Variants in ATP2B2 observed in about 807,000 individuals in gnomAD.
The protein encoded by ATP2B2 is ATPase plasma membrane Ca2+ transporting 2, also known as plasma membrane calcium-transporting ATPase 2.
Under a neutral mutation model 120.0 loss-of-function variants are expected in ATP2B2, and 15 were observed. The ratio of observed to expected loss-of-function variants is 0.12; its 90% CI spans 0.08 to 0.19. The LOEUF is 0.19. Among genes scored for constraint, ATP2B2 ranks in the 10% least tolerant of loss-of-function variants. The pLI, the probability that ATP2B2 is intolerant of heterozygous loss-of-function variation, is 1.00. For missense variants in ATP2B2, 1,045 were observed against 1,719.8 expected (o/e 0.61, Z 6.94); for synonymous variants, 694 against 700.3 (o/e 0.99, Z 0.14).
chr3:10,501,675 G>T (rs1047630867), intron 1 of ATP2B2, among the ~76,000 whole-genome samples: 1 of 152,178 alleles, frequency 6.6e-6, no homozygotes, highest in African/African-American at 2.4e-5. Flanking sequence ...GCTGTGCAGG[G>T]TGAAGCCAGG....
chr3:10,366,282 G>T (rs1174346284), intron 12 of ATP2B2, among the ~76,000 whole-genome samples: 9 of 152,282 alleles, frequency 5.9e-5, no homozygotes, highest in Non-Finnish European at 1.2e-4. Flanking sequence ...TATCTGCTAG[G>T]TTTTAAGATT....
intron 2 of ATP2B2, among the ~76,000 whole-genome samples, chr3:10,442,825 C>T (rs1434842287): frequency 6.6e-6 from 1 of 152,224 alleles, no homozygotes; most frequent in Non-Finnish European, 1.5e-5. Context: ...GAAATAACAC[C>T]TACCATGTGC....
In ATP2B2 at chr3:10,600,405, G is replaced by A. The variant is rs148930143; in HGVS notation, c.-415+19512C>T. 1.3e-3 allele frequency among the ~76,000 whole-genome samples: 200 copies of A among 152,226 alleles called. 2 individuals are homozygous for A. In the East Asian group the frequency reaches 0.019, roughly 14 times the overall value. ...TCTGGCTGGACAGAGTCCAGACATCGGACTTCCATCTACCCTATGTCATCT... is the reference window on the plus strand; with the variant it reads ...TCTGGCTGGACAGAGTCCAGACATCAGACTTCCATCTACCCTATGTCATCT... On this transcript the variant is annotated intron_variant, in intron 2 of 21. Coordinates refer to the ATP2B2 transcript ENST00000646379.
intron 3 of ATP2B2, among the ~76,000 whole-genome samples, chr3:10,521,603 CTG>C (rs1575454122): frequency 6.6e-6 from 1 of 152,320 alleles, no homozygotes; most frequent in African/African-American, 2.4e-5. Flanking sequence ...AGTGTGGAAA[CTG>C]TGTAAAGTGA....
chr3:10,338,459 C>G, intron 21 of ATP2B2, 101 bp from the exon 22 acceptor site: 1 of 1,288,378 alleles, frequency 7.8e-7, no homozygotes, highest in Non-Finnish European at 1.1e-6. Flanking sequence ...ACCCGCTCAC[C>G]CAGGCATGTG....
intron 16 of ATP2B2, among the ~76,000 whole-genome samples, chr3:10,348,001 C>G (rs574382960): frequency 4.6e-5 from 7 of 152,198 alleles, no homozygotes; most frequent in Admixed American, 2.0e-4. Context: ...TCCTCCTGCC[C>G]CTCTAGCCTC....
At chr3:10,661,587 A>T (rs968057055) in intron 1 of ATP2B2, among the ~76,000 whole-genome samples, 2 of 152,242 alleles carry the variant, frequency 1.3e-5, no homozygotes, top group Non-Finnish European at 2.9e-5. Flanking sequence ...CCACTGCTCA[A>T]TGAAATAAAA....
intron 2 of ATP2B2, among the ~76,000 whole-genome samples, chr3:10,546,555 CT>C (rs1166623543): frequency 1.3e-5 from 2 of 152,238 alleles, no homozygotes; most frequent in African/African-American, 4.8e-5. Context: ...TGTGAAGGGG[CT>C]GCACCTTGGA....
chr3:10,704,834 C>T (rs1423690755), intron 1 of ATP2B2, among the ~76,000 whole-genome samples: 1 of 152,108 alleles, frequency 6.6e-6, no homozygotes, highest in Non-Finnish European at 1.5e-5. Flanking sequence ...TATATGACAA[C>T]AGGGGAGATA....
At chr3:10,401,219 T>C (rs1363972590) in intron 4 of ATP2B2, 141 bp from the exon 5 acceptor site, 3 of 1,147,832 alleles carry the variant, frequency 2.6e-6, no homozygotes, top group African/African-American at 1.5e-5. Flanking sequence ...GGAACCAAGA[T>C]GGTGCCCATA....
Position 10,324,159 on chromosome 3 carries a change from AG to A in ATP2B2, c.*4654del, listed in dbSNP as rs2059825410. 1 of 152,172 alleles carries A rather than the reference AG, an allele frequency of 6.6e-6. No individual in the cohort carries two copies. Among genetic ancestry groups the A allele is most frequent in the South Asian group, 2.1e-4 (1 of 4,828 alleles). 9.4% of individuals were successfully genotyped at this position (152,172 alleles called of 1,614,324 possible). The stretch of plus-strand genomic sequence containing the variant: ...TACAATAAGAGCACAGTCACTTCCC[AG>A]CCCCGATTGTCCCAGAGCCCCCCAG... On this transcript the variant is annotated 3_prime_UTR_variant, in exon 23 of 23. Coordinates refer to ENST00000360273, the MANE Select transcript of ATP2B2 (RefSeq NM_001001331.4).
chr3:10,458,377 CG>C (rs913311650), intron 1 of ATP2B2, among the ~76,000 whole-genome samples: 1 of 152,174 alleles, frequency 6.6e-6, no homozygotes, highest in Non-Finnish European at 1.5e-5. Flanking sequence ...ACTTTTGGTT[CG>C]GGTTTTCCCT....
intron 2 of ATP2B2, among the ~76,000 whole-genome samples, chr3:10,576,212 A>T (rs1316145170): frequency 5.9e-5 from 9 of 152,156 alleles, no homozygotes; most frequent in African/African-American, 2.2e-4. Context: ...TGGCACCAGA[A>T]AAAGGGCAGG....
chr3:10,417,862 A>G (rs2062843316), intron 2 of ATP2B2, among the ~76,000 whole-genome samples: 1 of 152,188 alleles, frequency 6.6e-6, no homozygotes, highest in Non-Finnish European at 1.5e-5. Flanking sequence ...GTCTTGGGAA[A>G]GGCTAGAGTG....
chr3:10,530,876 A>G (rs2067196598), intron 3 of ATP2B2, among the ~76,000 whole-genome samples: 2 of 152,196 alleles, frequency 1.3e-5, no homozygotes, highest in Admixed American at 1.3e-4. Flanking sequence ...ACTTATTTAT[A>G]AGGAAAGATG....
At position 10,410,661 on chromosome 3, in the gene ATP2B2, G is replaced by A. The variant is rs1453045476; in HGVS notation, c.354C>T (p.Ser118=). 5 of 1,613,842 alleles carry A rather than the reference G, an allele frequency of 3.1e-6. No individual in the cohort carries two copies. The highest frequency in any genetic ancestry group is 1.3e-5 in the African/African-American group (1 of 74,928). The change falls in exon 3 of 23, where the codon TCC becomes TCT. Residue 118 remains serine (S), a synonymous_variant. Coordinates refer to ENST00000360273, the MANE Select transcript of ATP2B2 (RefSeq NM_001001331.4). The part of the protein sequence containing the change: ...LIILEIAAII[S]LGLSFYHPPG... ...GCGGGTGGTAGAAGGACAGCCCCAG[G>A]GAGATGATGGCGGCAATCTCCAGGA...
chr3:10,361,986 G>C (rs573161141), intron 12 of ATP2B2, among the ~76,000 whole-genome samples: 1 of 152,282 alleles, frequency 6.6e-6, no homozygotes, highest in Admixed American at 6.5e-5. Context: ...CAGATTTGCA[G>C]GTGGCTCCCA....
At chr3:10,657,616 G>A (rs2070669375) in intron 1 of ATP2B2, among the ~76,000 whole-genome samples, 1 of 152,244 alleles carries the variant, frequency 6.6e-6, no homozygotes, top group South Asian at 2.1e-4. Context: ...GAACTGGGTG[G>A]AGCCCACCGC....
intron 9 of ATP2B2, 23 bp from the exon 10 acceptor site, chr3:10,378,433 GT>G (rs1559253663): frequency 6.3e-7 from 1 of 1,599,520 alleles, no homozygotes; most frequent in African/African-American, 1.3e-5. Context: ...GATCACGCAC[GT>G]GCATACACAC....
Sources: gnomAD v4.1 joint callset for allele counts (sites outside exome capture counted in the v4.1 genomes callset) on GRCh38, gnomAD v4.1.1 for gene constraint, MANE v1.5 for transcripts, NCBI Gene and HGNC (gene_info 2026-07-23, HGNC 2026-07-21) for gene names.